TRHDE: variants seen among roughly 807,000 people sequenced by gnomAD.
TRHDE encodes the protein thyrotropin-releasing hormone-degrading ectoenzyme.
In TRHDE, 72 loss-of-function variants were observed where a neutral mutation model predicts 125.7. The ratio of observed to expected loss-of-function variants is 0.57; its 90% CI spans 0.47 to 0.70. The LOEUF (loss-of-function observed/expected upper bound fraction) is 0.70, where lower values mean the gene tolerates loss of function less well. TRHDE is among the 30% of genes least tolerant of loss of function. TRHDE has a pLI of 0.00. For missense variants in TRHDE, 1,110 were observed against 1,327.1 expected (o/e 0.84, Z 2.54); for synonymous variants, 509 against 509.1 (o/e 1.00, Z 0.00).
intron 7 of TRHDE, among the ~76,000 whole-genome samples, chr12:72,551,748 T>C (rs1031951322): frequency 3.9e-5 from 6 of 151,992 alleles, no homozygotes; most frequent in African/African-American, 1.5e-4. Context: ...ACACGATAGA[T>C]AGGAAAAAAC....
intron 15 of TRHDE, among the ~76,000 whole-genome samples, chr12:72,651,175 T>C (rs1204216115): frequency 6.6e-6 from 1 of 152,174 alleles, no homozygotes; most frequent in African/African-American, 2.4e-5. Flanking sequence ...CTTTATTTGC[T>C]GAAAAAGAAT....
chr12:72,556,910 A>G (rs1420771763), intron 7 of TRHDE, among the ~76,000 whole-genome samples: 1 of 152,184 alleles, frequency 6.6e-6, no homozygotes, highest in African/African-American at 2.4e-5. Flanking sequence ...TCCCAGTGTC[A>G]ATGAGTCCCA....
chr12:72,247,632 A>T lies in TRHDE; in HGVS notation n.280-130363A>T, dbSNP rs892136012. Among the ~76,000 whole-genome samples the T allele has an allele frequency of 4.6e-5, 7 of 152,212 alleles. 1 individual carries two copies. The highest frequency in any genetic ancestry group is 1.7e-4 in the African/African-American group (7 of 41,448). On this transcript the variant is annotated intron_variant and non_coding_transcript_variant, in intron 2 of 4. Coordinates refer to the TRHDE transcript ENST00000548156. ...AGAACATTGCATAGTGTTTTTCATT[A>T]TAGACACTCAAAGTATATTTTGGGA...
intron 2 of TRHDE, among the ~76,000 whole-genome samples, chr12:72,154,808 T>C (rs931556676): frequency 1.3e-5 from 2 of 152,228 alleles, no homozygotes; most frequent in East Asian, 1.9e-4. Context: ...CCAGCCTTTC[T>C]CTCTGGCTGC....
chr12:72,168,713 AT>A (rs946789824), intron 2 of TRHDE, among the ~76,000 whole-genome samples: 45 of 150,878 alleles, frequency 3.0e-4, no homozygotes, highest in Middle Eastern at 3.4e-3. Flanking sequence ...TATTAGTGAA[AT>A]TTTTTTTTTC....
chr12:72,435,580 A>G (rs1207059092), intron 3 of TRHDE, among the ~76,000 whole-genome samples: 2 of 151,964 alleles, frequency 1.3e-5, no homozygotes, highest in South Asian at 2.1e-4. Context: ...AAAAATCCAT[A>G]ATACTCTTGA....
At chr12:72,459,761 AGG>A (rs892932795) in intron 3 of TRHDE, among the ~76,000 whole-genome samples, 3 of 152,144 alleles carry the variant, frequency 2.0e-5, no homozygotes, top group African/African-American at 7.2e-5. Flanking sequence ...CTAGGACTAC[AGG>A]TTTGCACCAC....
chr12:72,132,083 C>A (rs187878748), intron 2 of TRHDE, among the ~76,000 whole-genome samples: 2 of 152,252 alleles, frequency 1.3e-5, no homozygotes, highest in Admixed American at 1.3e-4. Flanking sequence ...GGAGTAAGAG[C>A]GTCTCAGGGG....
chr12:72,410,957 C>T (rs1357806824), intron 3 of TRHDE, among the ~76,000 whole-genome samples: 1 of 151,800 alleles, frequency 6.6e-6, no homozygotes, highest in Non-Finnish European at 1.5e-5. Context: ...CTTTGGGAGG[C>T]CAAGGTGGGT....
chr12:72,210,171 G>GATCGATCTATCTATCT (rs1555168850), intron 2 of TRHDE, among the ~76,000 whole-genome samples: 1 of 146,326 alleles, frequency 6.8e-6, no homozygotes, highest in Non-Finnish European at 1.5e-5. Flanking sequence ...CTATAAGATT[G>GATCGATCTATCTATCT]ATCTATCTAT....
intron 2 of TRHDE, among the ~76,000 whole-genome samples, chr12:72,294,573 G>T (rs929205176): frequency 5.3e-5 from 8 of 152,090 alleles, no homozygotes; most frequent in African/African-American, 1.9e-4. Context: ...TGAGCATGGG[G>T]CTCTTATAAG....
intron 2 of TRHDE, among the ~76,000 whole-genome samples, chr12:72,301,130 T>C (rs1490304344): frequency 1.3e-5 from 2 of 152,172 alleles, no homozygotes; most frequent in Admixed American, 1.3e-4. Flanking sequence ...GTTCTATTTT[T>C]TTTTATTACC....
At chr12:72,203,483 TAA>T (rs774123378) in intron 2 of TRHDE, among the ~76,000 whole-genome samples, 1 of 149,848 alleles carries the variant, frequency 6.7e-6, no homozygotes, top group African/African-American at 2.5e-5. Flanking sequence ...AAATAAAAAA[TAA>T]AAAAAAAGAG....
At chr12:72,596,832 A>G (rs17799101) in intron 12 of TRHDE, among the ~76,000 whole-genome samples, 8,918 of 152,318 alleles carry the variant, frequency 0.059, 371 homozygotes, top group Admixed American at 0.13. Context: ...AATGTAGAAG[A>G]AGGAGGAAAA....
chr12:72,318,635 G>A (rs1049196504), intron 2 of TRHDE, among the ~76,000 whole-genome samples: 2 of 152,094 alleles, frequency 1.3e-5, no homozygotes, highest in African/African-American at 4.8e-5. Flanking sequence ...TCAGTTGCTA[G>A]GAGTGCAGTG....
At chr12:72,118,467 G>A (rs1347778534) in intron 2 of TRHDE, among the ~76,000 whole-genome samples, 6 of 152,072 alleles carry the variant, frequency 3.9e-5, no homozygotes, top group Non-Finnish European at 8.8e-5. Context: ...GTATTTTGTT[G>A]AGGACTTTTG....
intron 2 of TRHDE, among the ~76,000 whole-genome samples, chr12:72,173,519 C>T (rs996008446): frequency 6.6e-6 from 1 of 152,160 alleles, no homozygotes; most frequent in African/African-American, 2.4e-5. Context: ...CTCCCTGGCA[C>T]CTTCCTTGAA....
At chr12:72,278,049 T>A (rs959122810) in intron 1 of TRHDE, among the ~76,000 whole-genome samples, 7 of 152,200 alleles carry the variant, frequency 4.6e-5, no homozygotes, top group Non-Finnish European at 7.4e-5. Flanking sequence ...TATTCCTTTT[T>A]TCTAAGTAAT....
intron 6 of TRHDE, among the ~76,000 whole-genome samples, chr12:72,510,754 C>G (rs1878549982): frequency 6.6e-6 from 1 of 152,022 alleles, no homozygotes; most frequent in Non-Finnish European, 1.5e-5. Context: ...TGGTTATGAT[C>G]ATCTCATAAG....
Sources: gnomAD v4.1 joint callset for allele counts (sites outside exome capture counted in the v4.1 genomes callset) on GRCh38, gnomAD v4.1.1 for gene constraint, MANE v1.5 for transcripts, NCBI Gene and HGNC (gene_info 2026-07-23, HGNC 2026-07-21) for gene names.